The following AHNAK variants were observed in gnomAD, a reference collection of about 807,000 sequenced individuals.
AHNAK encodes neuroblast differentiation-associated protein AHNAK.
Under a neutral mutation model 37.8 loss-of-function variants are expected in AHNAK, and 23 were observed. The observed-to-expected ratio is 0.61, with a 90% CI of 0.44 to 0.86. The LOEUF is 0.86. Ranked by LOEUF, AHNAK falls within the 40% of genes least tolerant of loss-of-function variation. The pLI is 0.00. For synonymous variants in AHNAK, 2,481 were observed against 2,636.3 expected (o/e 0.94, Z 1.80); for missense variants, 7,411 against 7,319.4 (o/e 1.01, Z -0.46).
At chr11:62,433,710 T>C (rs892101292) in exon 6 of AHNAK, 1 of 788,442 alleles carries the variant, frequency 1.3e-6, no homozygotes, top group Non-Finnish European at 2.1e-6. Flanking sequence ...CTGGCCTGGC[T>C]GGAGCTATAA....
intron 1 of AHNAK, among the ~76,000 whole-genome samples, chr11:62,544,679 G>A (rs975421839): frequency 3.9e-5 from 6 of 152,084 alleles, no homozygotes; most frequent in Non-Finnish European, 8.8e-5. Context: ...GGTGGGGGGT[G>A]GGTGACCCCG....
At chr11:62,514,762 T>A (rs1319214449), downstream of AHNAK, among the ~76,000 whole-genome samples, 1 of 152,164 alleles carries the variant, frequency 6.6e-6, no homozygotes, top group Non-Finnish European at 1.5e-5. Flanking sequence ...CAGCCGGGTA[T>A]CAAGGGCCTC....
Position 62,434,593 on chromosome 11 carries a change from C to T in AHNAK, c.443-702G>A, listed in dbSNP as rs1015435726. Among the ~76,000 whole-genome samples, 10 of 152,156 alleles carry T rather than the reference C, an allele frequency of 6.6e-5. No individual in the cohort carries two copies. In the South Asian group the frequency reaches 1.9e-3, roughly 28 times the overall value. ...CCCAGGCTTCATCTTACACCTCCTG[C>T]GCTCAAGAAAGTTCAGCAACTCCTT... On this transcript the variant is annotated intron_variant, in intron 5 of 5. Coordinates refer to the AHNAK transcript ENST00000257247.
At position 62,535,931 on chromosome 11, in the gene AHNAK, C is replaced by G. The variant is rs1229970058; in HGVS notation, c.154+14G>C. On this transcript the variant is annotated intron_variant, in intron 3 of 4. Transcript: ENST00000378024. ...CAACCACCAGCACCCAGTCCACACC[C>G]TGGGGTGACTCACCCTCCTTGACCA... The G allele has an allele frequency of 1.9e-6, 3 of 1,606,746 alleles. No homozygotes were observed. Among genetic ancestry groups the G allele is most frequent in the South Asian group, 1.1e-5 (1 of 90,794 alleles).
chr11:62,515,262 T>C (rs1939986988), downstream of AHNAK, among the ~76,000 whole-genome samples: 1 of 152,232 alleles, frequency 6.6e-6, no homozygotes, highest in African/African-American at 2.4e-5. Context: ...CTCATGCCTG[T>C]AATCCCAGTA....
intron 4 of AHNAK, among the ~76,000 whole-genome samples, chr11:62,496,615 T>C (rs1319767233): frequency 1.3e-5 from 2 of 152,026 alleles, no homozygotes; most frequent in African/African-American, 4.8e-5. Flanking sequence ...ATCAACATAG[T>C]GAAACCCTGT....
At position 62,470,747 on chromosome 11, in the gene AHNAK, TGAC is replaced by T. The variant is rs147615480; in HGVS notation, c.442+20982_442+20984del. ...AGGTGGGCAACATCAATTTCAATGA[TGAC>T]TTCCACCAGATCATCATCTCCCACC... On this transcript the variant is annotated intron_variant, in intron 5 of 5. Transcript: ENST00000257247. Among the ~76,000 whole-genome samples the T allele has an allele frequency of 2.2e-4, 34 of 152,186 alleles. 1 individual carries two copies. The East Asian group carries it at 6.6e-3, about 29-fold the overall frequency.
At chr11:62,485,701 CAAA>C (rs1286819688) in intron 5 of AHNAK, among the ~76,000 whole-genome samples, 714 of 51,964 alleles carry the variant, frequency 0.014, 4 homozygotes, top group African/African-American at 0.039. Context: ...GACTCCATCT[CAAA>C]AAAAAAAAAA....
Position 62,524,601 on chromosome 11 carries a change from T to A in AHNAK, c.9816A>T (p.Pro3272=). 1 of 1,614,090 alleles carries A rather than the reference T, an allele frequency of 6.2e-7. No homozygotes were observed. The highest frequency in any genetic ancestry group is 8.5e-7 in the Non-Finnish European group (1 of 1,180,006). ...VDAPDIDIHG[P]DAKLKGPKLK... ...GTTTTGGACCTTTTAATTTGGCATC[T>A]GGGCCATGAATGTCAATATCTGGAG... The change falls in exon 5 of 5, where the codon CCA becomes CCT. Residue 3272 remains proline (P), a synonymous_variant. Transcript: ENST00000378024.
chr11:62,496,512 G>A (rs964285170), intron 4 of AHNAK, among the ~76,000 whole-genome samples: 1 of 152,076 alleles, frequency 6.6e-6, no homozygotes, highest in South Asian at 2.1e-4. Context: ...TTGAAAGCAG[G>A]TTGGCCGGGA....
At chr11:62,435,870 A>G (rs986464742) in intron 5 of AHNAK, among the ~76,000 whole-genome samples, 1 of 152,114 alleles carries the variant, frequency 6.6e-6, no homozygotes, top group Non-Finnish European at 1.5e-5. Flanking sequence ...ACTACCTTTT[A>G]TTGCACACTT....
In AHNAK at chr11:62,533,182, C is replaced by T. The variant is rs202011056; in HGVS notation, c.1235G>A (p.Ser412Asn). 3.3e-6 allele frequency: 5 copies of T among 1,531,648 alleles called. No homozygotes were observed. Among genetic ancestry groups the T allele is most frequent in the Admixed American group, 2.3e-5 (1 of 44,434 alleles). 94.9% of individuals were successfully genotyped at this position (1,531,648 alleles called of 1,614,324 possible). A position where few individuals can be genotyped will look rare whatever the true frequency, so the allele number is the denominator to read the frequency against. ...PQIGGSITGPSVEVQAPDIDV... is the reference protein window; with the variant it reads ...PQIGGSITGPNVEVQAPDIDV... ...AATGTCAGGGGCCTGAACTTCCACACTGGGGCCAGTGATGCTACCCCCAAT... is the reference window on the plus strand; with the variant it reads ...AATGTCAGGGGCCTGAACTTCCACATTGGGGCCAGTGATGCTACCCCCAAT... The change falls in exon 5 of 5, where the codon AGT becomes AAT. Residue 412 changes from serine (S) to asparagine (N), a missense_variant. By Grantham distance (46) the Ser-to-Asn change is conservative. Coordinates refer to ENST00000378024, the MANE Select transcript of AHNAK (RefSeq NM_001620.3).
rs769340745 is a variant in AHNAK at position 62,519,371 on chromosome 11, C to T, written c.15046G>A (p.Gly5016Ser). 8.1e-6 allele frequency: 13 copies of T among 1,613,926 alleles called. No individual in the cohort carries two copies. The highest frequency in any genetic ancestry group is 1.1e-5 in the Non-Finnish European group (13 of 1,179,972). The part of the protein sequence containing the change: ...NLETPEISVG[G>S]KGKKSKFKMP... ...TTAAACTTACTTTTCTTGCCCTTGCCACCAACACTAATTTCAGGAGTCTCA... is the reference window on the plus strand; with the variant it reads ...TTAAACTTACTTTTCTTGCCCTTGCTACCAACACTAATTTCAGGAGTCTCA... Residue 5016 changes from glycine (G) to serine (S), a missense_variant, in exon 5 of 5, where the codon GGC becomes AGC. Coordinates refer to ENST00000378024, the MANE Select transcript of AHNAK (RefSeq NM_001620.3).
Position 62,516,666 on chromosome 11 carries a change from G to A in AHNAK, c.*78C>T. 6.6e-7 allele frequency: 1 copy of A among 1,512,256 alleles called. No individual in the cohort carries two copies. The highest frequency in any genetic ancestry group is 8.8e-7 in the Non-Finnish European group (1 of 1,136,678). The allele number at this position is 1,512,256 out of a possible 1,614,324, so 93.7% of individuals were successfully genotyped here. A position where few individuals can be genotyped will look rare whatever the true frequency, so the allele number is the denominator to read the frequency against. ...TGAGGCAGTCGGTGTGTTTCCCTTT[G>A]GAGTTTATATAGGAACACACCACCC... is the stretch of plus-strand genomic sequence containing the variant. On this transcript the variant is annotated 3_prime_UTR_variant, in exon 5 of 5. Transcript: ENST00000378024.
intron 4 of AHNAK, among the ~76,000 whole-genome samples, chr11:62,502,540 G>A (rs182633129): frequency 6.6e-6 from 1 of 152,262 alleles, no homozygotes; most frequent in African/African-American, 2.4e-5. Flanking sequence ...CATGTGCCTG[G>A]CCGTGTGCTG....
intron 4 of AHNAK, among the ~76,000 whole-genome samples, chr11:62,508,927 T>C (rs1461985950): frequency 6.6e-6 from 1 of 152,246 alleles, no homozygotes; most frequent in Non-Finnish European, 1.5e-5. Context: ...GCTTGTGAGA[T>C]AAACTTGCCC....
chr11:62,497,201 T>C (rs985063040), intron 4 of AHNAK, among the ~76,000 whole-genome samples: 1 of 152,222 alleles, frequency 6.6e-6, no homozygotes, highest in African/African-American at 2.4e-5. Flanking sequence ...TAAAGTGTTC[T>C]GAGCTGATCA....
In AHNAK at chr11:62,521,753, G is replaced by A. The variant is rs1940252828; in HGVS notation, c.12664C>T (p.Pro4222Ser). The change falls in exon 5 of 5, where the codon CCC becomes TCC. Residue 4222 changes from proline to serine, a missense_variant. Physicochemically the swap from Pro to Ser is moderately conservative, Grantham distance 74. Coordinates refer to ENST00000378024, the MANE Select transcript of AHNAK (RefSeq NM_001620.3). ...LPKADLDVSG[P>S]KVDIDVPDVN... is the part of the protein sequence containing the mutation. The stretch of plus-strand genomic sequence containing the variant: ...TCAGGAACATCAATGTCCACCTTGG[G>A]TCCTGAGACGTCAAGGTCAGCCTTG... 6.2e-7 allele frequency: 1 copy of A among 1,613,160 alleles called. No homozygotes were observed. The highest frequency in any genetic ancestry group is 1.3e-5 in the African/African-American group (1 of 74,584).
At position 62,533,912 on chromosome 11, in the gene AHNAK, C is replaced by T; in HGVS notation, c.505G>A (p.Gly169Arg). The T allele has an allele frequency of 6.2e-7, 1 of 1,614,148 alleles. No individual in the cohort carries two copies. Among genetic ancestry groups the T allele is most frequent in the African/African-American group, 1.3e-5 (1 of 75,018 alleles). Residue 169 changes from glycine to arginine, a missense_variant, in exon 5 of 5, where the codon GGA (glycine) becomes AGA (arginine). Gly to Arg is a moderately radical substitution (Grantham distance 125). Transcript: ENST00000378024. Reference protein sequence around the residue: ...AYTVDVTGREGAKDIDISSPE... With the variant: ...AYTVDVTGRERAKDIDISSPE... ...CTACTGATGTCTATGTCCTTGGCTC[C>T]TTCCCGGCCAGTCACATCCACAGTG...
Sources: gnomAD v4.1 joint callset for allele counts (sites outside exome capture counted in the v4.1 genomes callset) on GRCh38, gnomAD v4.1.1 for gene constraint, MANE v1.5 for transcripts, NCBI Gene and HGNC (gene_info 2026-07-23, HGNC 2026-07-21) for gene names.